The following ACTR3C variants were observed in gnomAD, a reference collection of about 807,000 sequenced individuals.
ACTR3C encodes actin-related protein 3C.
In ACTR3C, 18 loss-of-function variants were observed where a neutral mutation model predicts 26.3. The observed-to-expected ratio is 0.68, with a 90% CI of 0.47 to 1.01. The LOEUF is 1.01. Ranked by LOEUF, ACTR3C falls within the 50% of genes least tolerant of loss-of-function variation. The probability of loss-of-function intolerance (pLI) is 0.00; values close to 1 mark genes in which losing one functional copy is unlikely to be tolerated. For missense variants in ACTR3C, 184 were observed against 250.7 expected (o/e 0.73, Z 1.80); for synonymous variants, 55 against 94.5 (o/e 0.58, Z 2.42).
chr7:150,223,081 A>T, the ACTR3C span, among the ~76,000 whole-genome samples: 2 of 152,192 alleles, frequency 1.3e-5, no homozygotes, highest in African/African-American at 2.4e-5. Flanking sequence ...CCCCCAAAGG[A>T]TGTTTATTCC....
At chr7:150,213,953 G>T in the ACTR3C span, among the ~76,000 whole-genome samples, 443 of 145,550 alleles carry the variant, frequency 3.0e-3, 1 homozygote, top group African/African-American at 0.01. Context: ...CTTGGAAAGT[G>T]AAAAGGGATT....
At chr7:149,998,020 T>C in the ACTR3C span, among the ~76,000 whole-genome samples, 3 of 151,332 alleles carry the variant, frequency 2.0e-5, no homozygotes, top group East Asian at 4.1e-4. Context: ...CCAAATGCAA[T>C]AGCGATCATG....
the ACTR3C span, among the ~76,000 whole-genome samples, chr7:150,161,202 T>TTATATATATA: frequency 1.3e-3 from 132 of 102,978 alleles, 9 homozygotes; most frequent in African/African-American, 3.9e-3. Flanking sequence ...AGGAAAGTAT[T>TTATATATATA]TATATATATA....
At chr7:150,306,632 A>T (rs906430817) in intron 1 of ACTR3C, among the ~76,000 whole-genome samples, 2 of 152,226 alleles carry the variant, frequency 1.3e-5, no homozygotes, top group African/African-American at 2.4e-5. Flanking sequence ...GGATCACTTA[A>T]GCCCAGGAGT....
Position 150,274,030 on chromosome 7 carries a change from C to T in ACTR3C, c.564+10723G>A, listed in dbSNP as rs2129611212. The stretch of plus-strand genomic sequence containing the variant: ...GAATCTGACATATCAAAATGGTCGC[C>T]CTCTTGAGATGTGTTTCAGGTAGGG... On this transcript the variant is annotated intron_variant, in intron 6 of 7. Transcript: ENST00000683684. This position sits in a 1 kb window ranked among gnomAD's most constrained non-coding sequence, Gnocchi z 4.1. Among the ~76,000 whole-genome samples, 1 of 151,750 alleles carries T rather than the reference C, an allele frequency of 6.6e-6. No homozygotes were observed. The highest frequency in any genetic ancestry group is 2.4e-5 in the African/African-American group (1 of 41,084).
At chr7:149,982,697 G>A in the ACTR3C span, among the ~76,000 whole-genome samples, 23 of 152,156 alleles carry the variant, frequency 1.5e-4, no homozygotes, top group African/African-American at 5.5e-4. Context: ...ATGAAGCTCA[G>A]TGTAGGAGCA....
At chr7:150,306,090 G>C (rs1025681989) in intron 1 of ACTR3C, among the ~76,000 whole-genome samples, 1 of 152,146 alleles carries the variant, frequency 6.6e-6, no homozygotes, top group Non-Finnish European at 1.5e-5. Flanking sequence ...CATGTAATAC[G>C]ATATTTTCTT....
chr7:149,949,417 AG>A, the ACTR3C span, among the ~76,000 whole-genome samples: 2 of 146,330 alleles, frequency 1.4e-5, no homozygotes, highest in Non-Finnish European at 2.9e-5. Context: ...GAAGGAAGGA[AG>A]GAAGGAAGGA....
the ACTR3C span, among the ~76,000 whole-genome samples, chr7:150,088,273 G>T: frequency 6.6e-6 from 1 of 152,262 alleles, no homozygotes; most frequent in East Asian, 1.9e-4. Context: ...GCTAAGTATT[G>T]TCTTCCTTTT....
chr7:149,956,442 A>G, the ACTR3C span, among the ~76,000 whole-genome samples: 8 of 152,150 alleles, frequency 5.3e-5, no homozygotes, highest in Non-Finnish European at 1.2e-4. Context: ...CCCAAAACCA[A>G]AATGGATTCC....
intron 6 of ACTR3C, among the ~76,000 whole-genome samples, chr7:150,282,446 G>A (rs1398123635): frequency 6.6e-6 from 1 of 150,552 alleles, no homozygotes; most frequent in African/African-American, 2.5e-5. Context: ...TTCCCACAAC[G>A]GGGTATAGAG....
At chr7:150,295,460 T>G in intron 1 of ACTR3C, 113 bp from the exon 2 acceptor site, 1 of 1,143,714 alleles carries the variant, frequency 8.7e-7, no homozygotes, top group South Asian at 1.4e-5. Flanking sequence ...TACAATTCCC[T>G]AATTTTACAG....
At chr7:150,142,581 C>T in the ACTR3C span, among the ~76,000 whole-genome samples, 3 of 151,556 alleles carry the variant, frequency 2.0e-5, no homozygotes, top group Non-Finnish European at 2.9e-5. Flanking sequence ...CAGGCTGGAG[C>T]GCAGTGGTGT....
chr7:150,040,585 C>T, the ACTR3C span: 1 of 147,820 alleles, frequency 6.8e-6, no homozygotes, highest in African/African-American at 2.6e-5. Flanking sequence ...CGGTAGATTG[C>T]AAATAACCTG....
At chr7:150,097,907 G>A in the ACTR3C span, among the ~76,000 whole-genome samples, 1 of 151,544 alleles carries the variant, frequency 6.6e-6, no homozygotes, top group East Asian at 1.9e-4. Flanking sequence ...CAGTCACTCA[G>A]GCTCTAAGCA....
At chr7:150,211,681 C>A in the ACTR3C span, among the ~76,000 whole-genome samples, 1 of 150,192 alleles carries the variant, frequency 6.7e-6, no homozygotes, top group East Asian at 1.9e-4. Flanking sequence ...AACAAAGGCC[C>A]AGAGAGAGGT....
the ACTR3C span, among the ~76,000 whole-genome samples, chr7:149,981,364 A>G: frequency 6.6e-6 from 1 of 151,946 alleles, no homozygotes; most frequent in East Asian, 1.9e-4. Flanking sequence ...CTATAACACT[A>G]TCACCTCAGA....
chr7:150,072,990 C>T, the ACTR3C span, among the ~76,000 whole-genome samples: 3 of 152,194 alleles, frequency 2.0e-5, no homozygotes, highest in Non-Finnish European at 4.4e-5. Flanking sequence ...CTGAAAACCA[C>T]AGCGGAGGAA....
chr7:149,887,519 G>A, the ACTR3C span, among the ~76,000 whole-genome samples: 1 of 152,234 alleles, frequency 6.6e-6, no homozygotes, highest in Admixed American at 6.5e-5. Flanking sequence ...TTCCTGGGCA[G>A]CAGGCTGGAC....
Sources: gnomAD v4.1 joint callset for allele counts (sites outside exome capture counted in the v4.1 genomes callset) on GRCh38, gnomAD v4.1.1 for gene constraint, Gnocchi (gnomAD v3.1) non-coding constraint, MANE v1.5 for transcripts, NCBI Gene and HGNC (gene_info 2026-07-23, HGNC 2026-07-21) for gene names.